Variants in SETD3 observed in about 807,000 individuals in gnomAD.
SETD3 encodes the protein SET domain containing 3, actin N3(tau)-histidine methyltransferase, also known as actin-histidine N-methyltransferase.
A neutral mutation model predicts 63.0 loss-of-function variants in SETD3; 19 were observed. The observed-to-expected ratio is 0.30, with a 90% CI of 0.21 to 0.44. The LOEUF is 0.44. Among genes scored for constraint, SETD3 ranks in the 20% least tolerant of loss-of-function variants. The probability of loss-of-function intolerance (pLI) is 1.00; values close to 1 mark genes in which losing one functional copy is unlikely to be tolerated. For missense variants in SETD3, 587 were observed against 728.5 expected, an observed-to-expected ratio of 0.81 and a Z score of 2.24; for synonymous variants, 286 against 264.1, an observed-to-expected ratio of 1.08 and a Z score of -0.80.
intron 8 of SETD3, 199 bp downstream of exon 8, chr14:99,412,752 A>G (rs751053707): frequency 5.6e-6 from 3 of 531,744 alleles, no homozygotes; most frequent in Non-Finnish European, 1.0e-5. Context: ...AGTTTTCAGT[A>G]TTAGTCAATG....
intron 1 of SETD3, among the ~76,000 whole-genome samples, chr14:99,474,315 ACT>A (rs1895856831): frequency 6.6e-6 from 1 of 152,008 alleles, no homozygotes; most frequent in Non-Finnish European, 1.5e-5. Flanking sequence ...ACAGAGTGAG[ACT>A]CTGTTTCAAA....
chr14:99,474,738 A>G (rs992263268), intron 1 of SETD3, among the ~76,000 whole-genome samples: 1 of 152,244 alleles, frequency 6.6e-6, no homozygotes, highest in African/African-American at 2.4e-5. Flanking sequence ...GCTGAGGTAC[A>G]AGAATCACTT....
At position 99,447,065 on chromosome 14, in the gene SETD3, G is replaced by C. The variant is rs142088708; in HGVS notation, c.675+11214C>G. Among the ~76,000 whole-genome samples, 5 of 152,048 alleles carry C rather than the reference G, an allele frequency of 3.3e-5. No homozygotes were observed. The South Asian group carries it at 1.0e-3, about 32-fold the overall frequency. On this transcript the variant is annotated intron_variant, in intron 6 of 12. Coordinates refer to ENST00000331768, the MANE Select transcript of SETD3 (RefSeq NM_032233.3). ...CTGGCTCACTGCAACTCTGCCTCCC[G>C]GGTTCAAGCGATTCTCATGCCTCAG...
intron 10 of SETD3, 55 bp from the exon 11 acceptor site, chr14:99,404,365 C>T: frequency 6.7e-7 from 1 of 1,500,310 alleles, no homozygotes; most frequent in Middle Eastern, 1.7e-4. Context: ...CCACTTGCTC[C>T]AAACTGAGAT....
At chr14:99,462,119 A>C (rs1895099791) in intron 3 of SETD3, among the ~76,000 whole-genome samples, 1 of 152,170 alleles carries the variant, frequency 6.6e-6, no homozygotes, top group Non-Finnish European at 1.5e-5. Context: ...ACAAATACAA[A>C]AACAAAACCA....
intron 11 of SETD3, among the ~76,000 whole-genome samples, chr14:99,401,570 G>A (rs1460905274): frequency 1.3e-5 from 2 of 152,144 alleles, no homozygotes; most frequent in Admixed American, 6.5e-5. Flanking sequence ...AGAATCAACA[G>A]ACCTAAAAGG....
chr14:99,431,059 G>A (rs1293415121), intron 6 of SETD3, among the ~76,000 whole-genome samples: 1 of 151,980 alleles, frequency 6.6e-6, no homozygotes, highest in Non-Finnish European at 1.5e-5. Flanking sequence ...ACAGATAAAA[G>A]GCCCAGAAAA....
intron 6 of SETD3, among the ~76,000 whole-genome samples, chr14:99,450,881 T>C (rs1894420638): frequency 6.6e-6 from 1 of 152,210 alleles, no homozygotes; most frequent in Admixed American, 6.5e-5. Flanking sequence ...AAGCATTACA[T>C]TCAATCTCAA....
intron 3 of SETD3, among the ~76,000 whole-genome samples, 177 bp downstream of exon 3, chr14:99,463,309 T>A (rs910255774): frequency 6.6e-6 from 1 of 152,210 alleles, no homozygotes; most frequent in Admixed American, 6.5e-5. Flanking sequence ...GGTAATAGCA[T>A]CTCAGAAAGG....
At chr14:99,403,453 ACACTCTCTCT>A (rs761219532) in intron 11 of SETD3, among the ~76,000 whole-genome samples, 2,167 of 106,066 alleles carry the variant, frequency 0.02, 43 homozygotes, top group African/African-American at 0.076. Flanking sequence ...ACACACACAC[ACACTCTCTCT>A]CTCTCTCTCT....
chr14:99,481,008 T>G (rs1407739653), upstream of SETD3: 1 of 157,636 alleles, frequency 6.3e-6, no homozygotes, highest in East Asian at 1.8e-4. Context: ...TTCGGGGTCC[T>G]CCCCAGCCAG....
chr14:99,408,397 T>C (rs1891798628), intron 8 of SETD3, among the ~76,000 whole-genome samples: 1 of 152,124 alleles, frequency 6.6e-6, no homozygotes, highest in African/African-American at 2.4e-5. Context: ...GGATGTACTT[T>C]TCTGACCCCA....
chr14:99,475,000 A>G (rs1310651403), intron 1 of SETD3, among the ~76,000 whole-genome samples: 3 of 152,236 alleles, frequency 2.0e-5, no homozygotes, highest in Admixed American at 2.0e-4. Flanking sequence ...TTGCAAATAA[A>G]TTAACATGAG....
chr14:99,404,424 GAATGGGTC>G (rs1241917904), intron 10 of SETD3, 114 bp from the exon 11 acceptor site: 1 of 901,248 alleles, frequency 1.1e-6, no homozygotes, highest in Non-Finnish European at 1.8e-6. Flanking sequence ...AGCTGAGCTG[GAATGGGTC>G]ATTCCAGCTC....
chr14:99,431,236 T>C (rs953840202), intron 6 of SETD3, among the ~76,000 whole-genome samples: 5 of 152,214 alleles, frequency 3.3e-5, no homozygotes, highest in Admixed American at 2.6e-4. Context: ...TTATACTTCA[T>C]GAAGTGCTCT....
At chr14:99,470,915 C>G (rs1184262721) in intron 1 of SETD3, among the ~76,000 whole-genome samples, 1 of 152,214 alleles carries the variant, frequency 6.6e-6, no homozygotes, top group African/African-American at 2.4e-5. Flanking sequence ...CTTCCCTCAG[C>G]CCCCTGGCCT....
intron 8 of SETD3, among the ~76,000 whole-genome samples, chr14:99,410,994 C>CT (rs1186829191): frequency 1.9e-4 from 29 of 152,260 alleles, no homozygotes; most frequent in Admixed American, 1.0e-3. Flanking sequence ...GATTTCAAGA[C>CT]TTTATTTTTA....
At chr14:99,468,461 G>A (rs972542024) in intron 1 of SETD3, among the ~76,000 whole-genome samples, 1 of 152,082 alleles carries the variant, frequency 6.6e-6, no homozygotes, top group East Asian at 1.9e-4. Context: ...TGTATCTAAT[G>A]TATAAAGAAT....
At chr14:99,475,123 T>C (rs1473707719) in intron 1 of SETD3, among the ~76,000 whole-genome samples, 5 of 152,214 alleles carry the variant, frequency 3.3e-5, no homozygotes, top group Admixed American at 6.5e-5. Context: ...GACAATGTTA[T>C]GTGTGAAGAA....
Sources: allele counts gnomAD v4.1 joint callset (sites outside exome capture counted in the v4.1 genomes callset), GRCh38; gene constraint gnomAD v4.1.1; transcripts MANE v1.5; gene names NCBI Gene and HGNC (gene_info 2026-07-23, HGNC 2026-07-21).